The following CCDC171 variants were observed in gnomAD, a reference collection of about 807,000 sequenced individuals.
CCDC171 encodes the protein coiled-coil domain containing 171.
CCDC171 carries 177 observed loss-of-function variants against 168.2 expected under a neutral mutation model. That is an observed-to-expected ratio of 1.05 (90% CI 0.93 to 1.19). CCDC171 has a LOEUF of 1.19. Ranked by LOEUF, CCDC171 falls within the 50% of genes most tolerant of loss-of-function variation. The probability of loss-of-function intolerance (pLI) is 0.00; values close to 1 mark genes in which losing one functional copy is unlikely to be tolerated. For missense variants in CCDC171, 1,991 were observed against 1,539.0 expected (o/e 1.29, Z -4.91); for synonymous variants, 687 against 540.8 (o/e 1.27, Z -3.75).
intron 24 of CCDC171, among the ~76,000 whole-genome samples, chr9:15,899,067 A>G (rs947616147): frequency 5.3e-5 from 8 of 152,218 alleles, no homozygotes; most frequent in Non-Finnish European, 1.0e-4. Context: ...GCAGTCATAC[A>G]GAATGTGACT....
intron 10 of CCDC171, among the ~76,000 whole-genome samples, chr9:15,684,149 G>C (rs1365248679): frequency 1.3e-5 from 2 of 152,036 alleles, no homozygotes; most frequent in African/African-American, 4.8e-5. Flanking sequence ...TGAGCTGTGA[G>C]GGTAAAAGTA....
intron 24 of CCDC171, among the ~76,000 whole-genome samples, chr9:15,877,154 G>C (rs1817950905): frequency 6.7e-6 from 1 of 149,504 alleles, no homozygotes; most frequent in Non-Finnish European, 1.5e-5. Flanking sequence ...AGATCTGCTA[G>C]CTTTCCCCTC....
chr9:16,033,748 G>T (rs1329214554), intron 6 of CCDC171, among the ~76,000 whole-genome samples: 1 of 148,330 alleles, frequency 6.7e-6, no homozygotes, highest in Non-Finnish European at 1.5e-5. Flanking sequence ...GTGCCGAAAA[G>T]GTTGGGGATG....
intron 14 of CCDC171, among the ~76,000 whole-genome samples, chr9:15,725,212 T>G (rs997307289): frequency 6.6e-6 from 1 of 152,222 alleles, no homozygotes; most frequent in Non-Finnish European, 1.5e-5. Flanking sequence ...ACAACTATCT[T>G]TTTGGACTTT....
intron 6 of CCDC171, among the ~76,000 whole-genome samples, chr9:15,623,006 T>C (rs896397441): frequency 6.6e-6 from 1 of 152,252 alleles, no homozygotes; most frequent in Non-Finnish European, 1.5e-5. Flanking sequence ...GTTAAACTAA[T>C]GTAACTTTCT....
At position 15,959,783 on chromosome 9, in the gene CCDC171, C is replaced by G. The variant is rs143409506; in HGVS notation, c.3754-11826C>G. On this transcript the variant is annotated intron_variant, in intron 25 of 25. Transcript: ENST00000380701. ...GAGAGAACGACCTAATGCCTTTCCT[C>G]CATGCAGACCTATGGACTGGCATTT... 6.9e-3 allele frequency among the ~76,000 whole-genome samples: 1,053 copies of G among 152,186 alleles called. 5 individuals carry two copies. Among genetic ancestry groups the G allele is most frequent in the Non-Finnish European group, 0.01 (703 of 68,000 alleles).
At chr9:15,827,100 T>C (rs1037936608) in intron 21 of CCDC171, among the ~76,000 whole-genome samples, 16 of 152,196 alleles carry the variant, frequency 1.1e-4, no homozygotes, top group African/African-American at 3.9e-4. Context: ...CAAATGAATA[T>C]GCTGGTCCTT....
rs117649152 is a variant in CCDC171 at position 15,898,766 on chromosome 9, G to A, written c.3601-21504G>A. Among the ~76,000 whole-genome samples, 215 of 152,138 alleles carry A rather than the reference G, an allele frequency of 1.4e-3. 5 individuals are homozygous for A. The East Asian group carries it at 0.038, about 27-fold the overall frequency. On this transcript the variant is annotated intron_variant, in intron 24 of 25. Coordinates refer to ENST00000380701, the MANE Select transcript of CCDC171 (RefSeq NM_173550.4). ...ATAGCACAGGGAGGTCCCTGTGTACGCTTTATCCAGCTTTCCCCATTGTTA... is the reference window on the plus strand; with the variant it reads ...ATAGCACAGGGAGGTCCCTGTGTACACTTTATCCAGCTTTCCCCATTGTTA...
At chr9:15,765,992 G>A (rs1020998783) in intron 18 of CCDC171, among the ~76,000 whole-genome samples, 20 of 152,138 alleles carry the variant, frequency 1.3e-4, no homozygotes, top group Admixed American at 1.3e-4. Context: ...TCCCTCCAGA[G>A]CGGAGGACAC....
chr9:15,827,109 T>A (rs539481893), intron 21 of CCDC171, among the ~76,000 whole-genome samples: 2 of 152,314 alleles, frequency 1.3e-5, no homozygotes, highest in African/African-American at 4.8e-5. Flanking sequence ...ATGCTGGTCC[T>A]TCCTTTTTGG....
chr9:15,809,039 G>T (rs1226694684), intron 21 of CCDC171, among the ~76,000 whole-genome samples: 1 of 152,046 alleles, frequency 6.6e-6, no homozygotes, highest in Non-Finnish European at 1.5e-5. Flanking sequence ...CACTAATCCC[G>T]ATTTTGAGTG....
intron 9 of CCDC171, among the ~76,000 whole-genome samples, chr9:15,672,353 A>G (rs2049180284): frequency 3.3e-5 from 5 of 152,086 alleles, no homozygotes; most frequent in Admixed American, 3.3e-4. Flanking sequence ...TCTTTAGTTT[A>G]ATTCAATCCC....
intron 23 of CCDC171, among the ~76,000 whole-genome samples, chr9:15,864,740 A>G (rs1300240921): frequency 6.6e-6 from 1 of 152,136 alleles, no homozygotes; most frequent in Non-Finnish European, 1.5e-5. Flanking sequence ...GATAAAAATA[A>G]GTACTTATTA....
intron 24 of CCDC171, among the ~76,000 whole-genome samples, chr9:15,877,815 A>G (rs1818058167): frequency 6.6e-6 from 1 of 152,170 alleles, no homozygotes; most frequent in African/African-American, 2.4e-5. Context: ...TATACTCTGA[A>G]TTACAATTTT....
At chr9:16,044,704 C>G (rs1055555380) in intron 1 of CCDC171, among the ~76,000 whole-genome samples, 1 of 152,100 alleles carries the variant, frequency 6.6e-6, no homozygotes, top group Non-Finnish European at 1.5e-5. Flanking sequence ...AGGAAGTGCA[C>G]AGGGAGGAGG....
intron 2 of CCDC171, among the ~76,000 whole-genome samples, chr9:15,567,664 T>G (rs753627064): frequency 6.6e-6 from 1 of 152,154 alleles, no homozygotes; most frequent in Non-Finnish European, 1.5e-5. Context: ...TTCACTATTT[T>G]TTTTTTTTGA....
intron 1 of CCDC171, among the ~76,000 whole-genome samples, chr9:16,054,582 GC>G (rs2133076428): frequency 6.6e-6 from 1 of 152,318 alleles, no homozygotes; most frequent in East Asian, 1.9e-4. Flanking sequence ...ACTGTGACAG[GC>G]CTCCTACCTG....
chr9:15,991,388 A>G (rs1309985349), intron 3 of CCDC171, among the ~76,000 whole-genome samples: 2 of 149,740 alleles, frequency 1.3e-5, no homozygotes, highest in East Asian at 3.8e-4. Flanking sequence ...CGATGAGAAC[A>G]AAGACACAAC....
intron 21 of CCDC171, among the ~76,000 whole-genome samples, chr9:15,797,679 A>G (rs905355715): frequency 6.6e-6 from 1 of 152,080 alleles, no homozygotes; most frequent in Non-Finnish European, 1.5e-5. Context: ...TAAAAATTTT[A>G]CATTTTGATG....
Sources: allele counts gnomAD v4.1 joint callset (sites outside exome capture counted in the v4.1 genomes callset), GRCh38; gene constraint gnomAD v4.1.1; transcripts MANE v1.5; gene names NCBI Gene and HGNC (gene_info 2026-07-23, HGNC 2026-07-21).